SLC25A18: variants seen among roughly 807,000 people sequenced by gnomAD.
The protein encoded by SLC25A18 is mitochondrial glutamate carrier 2.
A neutral mutation model predicts 31.1 loss-of-function variants in SLC25A18; 24 were observed. The ratio of observed to expected loss-of-function variants is 0.77; its 90% CI spans 0.56 to 1.08. The LOEUF is 1.08. SLC25A18 is among the 50% of genes least tolerant of loss of function. The pLI, the probability that SLC25A18 is intolerant of heterozygous loss-of-function variation, is 0.00. For missense variants in SLC25A18, 371 were observed against 418.5 expected (o/e 0.89, Z 0.99); for synonymous variants, 173 against 161.9 (o/e 1.07, Z -0.52).
chr22:17,566,443 G>A (rs138300385), intron 1 of SLC25A18, among the ~76,000 whole-genome samples: 3 of 149,966 alleles, frequency 2.0e-5, no homozygotes, highest in East Asian at 3.9e-4. Context: ...CTGGAGCCTC[G>A]CTCTTGTTGC....
rs142144766 is a variant in SLC25A18, at chr22:17,583,476, C to T, written c.351C>T (p.Val117=). 6.8e-6 allele frequency: 11 copies of T among 1,613,912 alleles called. No individual in the cohort carries two copies. Among genetic ancestry groups the T allele is most frequent in the Non-Finnish European group, 8.5e-6 (10 of 1,180,014 alleles). The change falls in exon 7 of 11, where the codon GTC becomes GTT. Residue 117 remains valine (V), a synonymous_variant. Transcript: ENST00000327451. ...GGTGTGGGGCTGGGATGTGCCAGGT[C>T]GTGGTGACCTGTCCCATGGAAATGC... is the stretch of plus-strand genomic sequence containing the variant. ...LAGCGAGMCQ[V]VVTCPMEMLK...
chr22:17,574,982 C>G (rs1452877561), intron 2 of SLC25A18, among the ~76,000 whole-genome samples: 2 of 151,902 alleles, frequency 1.3e-5, no homozygotes, highest in African/African-American at 4.8e-5. Context: ...CTTCTGAGTA[C>G]CTGGGATTAC....
intron 1 of SLC25A18, among the ~76,000 whole-genome samples, chr22:17,566,353 C>T: frequency 6.6e-6 from 1 of 152,088 alleles, no homozygotes; most frequent in South Asian, 2.1e-4. Context: ...ACCCACCAAG[C>T]CCTGTATAAT....
chr22:17,588,161 C>A, intron 9 of SLC25A18, 82 bp downstream of exon 9: 2 of 1,535,328 alleles, frequency 1.3e-6, no homozygotes, highest in Non-Finnish European at 1.8e-6. Context: ...ACCCTGGAAG[C>A]CATACTGGGT....
rs762887033 is a variant in SLC25A18, at chr22:17,581,333, C to A, written c.144-25C>A. The A allele has an allele frequency of 3.1e-6, 5 of 1,613,606 alleles. No homozygotes were observed. In the East Asian group the frequency reaches 1.1e-4, roughly 36 times the overall value. On this transcript the variant is annotated intron_variant, in intron 4 of 10. Transcript: ENST00000327451. Reference sequence around the variant, plus strand: ...GGCTGGGAGGCCCGCTGCACACTTACTCCTACTCTGGCCTCTGCTTCCAGG... The same window carrying A: ...GGCTGGGAGGCCCGCTGCACACTTAATCCTACTCTGGCCTCTGCTTCCAGG...
chr22:17,563,633 T>C lies in SLC25A18; in HGVS notation c.-344T>C, dbSNP rs144064300. On this transcript the variant is annotated 5_prime_UTR_variant, in exon 1 of 11. Coordinates refer to ENST00000327451, the MANE Select transcript of SLC25A18 (RefSeq NM_031481.3). ...CTTTGAGAAGGAACTGAGTAGGCAG[T>C]GAGAAGAGTCGAGTGAAGCCTGGCC... is the stretch of plus-strand genomic sequence containing the variant. 7.3e-4 allele frequency: 722 copies of C among 982,886 alleles called. 5 individuals carry two copies. The African/African-American group carries it at 0.012, about 16-fold the overall frequency. 60.9% of individuals were successfully genotyped at this position (982,886 alleles called of 1,614,324 possible).
intron 1 of SLC25A18, among the ~76,000 whole-genome samples, chr22:17,568,909 A>G (rs1290337841): frequency 6.6e-6 from 1 of 151,784 alleles, no homozygotes; most frequent in Admixed American, 6.6e-5. Flanking sequence ...GATATTTAAG[A>G]ATGTTAGCAC....
chr22:17,566,875 C>G (rs1569173734), intron 1 of SLC25A18, among the ~76,000 whole-genome samples: 1 of 152,188 alleles, frequency 6.6e-6, no homozygotes, highest in African/African-American at 2.4e-5. Context: ...AGAAAATTAG[C>G]ATGGGCCGGC....
intron 1 of SLC25A18, among the ~76,000 whole-genome samples, chr22:17,566,102 T>A (rs1342806353): frequency 6.6e-6 from 1 of 152,118 alleles, no homozygotes; most frequent in Non-Finnish European, 1.5e-5. Context: ...CCAATGCCGA[T>A]CTCTATTTTT....
chr22:17,569,884 G>A, intron 1 of SLC25A18, 40 bp from the exon 2 acceptor site: 6 of 985,530 alleles, frequency 6.1e-6, no homozygotes, highest in Non-Finnish European at 7.2e-6. Context: ...GGGAAAACCA[G>A]TCCAAGCTGG....
chr22:17,569,784 A>G (rs1045357167), intron 1 of SLC25A18, 140 bp from the exon 2 acceptor site: 2 of 985,276 alleles, frequency 2.0e-6, no homozygotes, highest in African/African-American at 3.5e-5. Flanking sequence ...CTTCAAACCC[A>G]ACCTATTTGA....
At chr22:17,590,054 T>C in intron 10 of SLC25A18, 41 bp from the exon 11 acceptor site, 1 of 1,610,740 alleles carries the variant, frequency 6.2e-7, no homozygotes, top group Non-Finnish European at 8.5e-7. Context: ...GCTTGCAGAA[T>C]GCCCCTGCCC....
At chr22:17,590,022 GGA>G in intron 10 of SLC25A18, 71 bp from the exon 11 acceptor site, 1 of 1,586,676 alleles carries the variant, frequency 6.3e-7, no homozygotes, top group South Asian at 1.1e-5. Context: ...GTGCACAAAT[GGA>G]GAGGCTGCCA....
chr22:17,578,000 G>A (rs545681928), intron 2 of SLC25A18, among the ~76,000 whole-genome samples: 4 of 146,948 alleles, frequency 2.7e-5, no homozygotes, highest in East Asian at 2.1e-4. Flanking sequence ...TTCTTCTTTG[G>A]GGGGCATAGG....
chr22:17,575,811 T>G (rs9618052), intron 2 of SLC25A18, among the ~76,000 whole-genome samples: 6,787 of 152,280 alleles, frequency 0.045, 256 homozygotes, highest in African/African-American at 0.11. Context: ...CTCAATATGA[T>G]TCAGTTATCA....
chr22:17,583,607 A>C (rs562051707), intron 7 of SLC25A18, 73 bp downstream of exon 7: 4 of 1,547,130 alleles, frequency 2.6e-6, no homozygotes, highest in Non-Finnish European at 2.6e-6. Context: ...CCACATCCCA[A>C]CCTCATTTGC....
chr22:17,584,121 C>A, intron 7 of SLC25A18: 1 of 979,662 alleles, frequency 1.0e-6, no homozygotes, highest in Non-Finnish European at 1.2e-6. Context: ...CAGCTGGGTG[C>A]CGTGGCTCAC....
chr22:17,570,134 G>T (rs78200882), intron 2 of SLC25A18, 148 bp downstream of exon 2: 1 of 452,144 alleles, frequency 2.2e-6, no homozygotes, highest in African/African-American at 2.1e-5. Flanking sequence ...GGGTGGGCAC[G>T]AGGAAGTGGC....
intron 2 of SLC25A18, among the ~76,000 whole-genome samples, chr22:17,573,172 A>G (rs1391091842): frequency 6.6e-6 from 1 of 152,140 alleles, no homozygotes; most frequent in Non-Finnish European, 1.5e-5. Flanking sequence ...ACTTTAAGAA[A>G]GGGAGCAGAT....
Sources: gnomAD v4.1 joint callset for allele counts (sites outside exome capture counted in the v4.1 genomes callset) on GRCh38, gnomAD v4.1.1 for gene constraint, MANE v1.5 for transcripts, NCBI Gene and HGNC (gene_info 2026-07-23, HGNC 2026-07-21) for gene names.